Variants in SLBP observed in about 807,000 individuals in gnomAD.
The protein encoded by SLBP is histone RNA hairpin-binding protein.
In SLBP, 29 loss-of-function variants were observed where a neutral mutation model predicts 39.2. That is an observed-to-expected ratio of 0.74 (90% CI 0.55 to 1.01). SLBP has a LOEUF of 1.01. Among genes scored for constraint, SLBP ranks in the 50% least tolerant of loss-of-function variants. The pLI is 0.00. For synonymous variants in SLBP, 129 were observed against 118.7 expected (o/e 1.09, Z -0.57); for missense variants, 390 against 350.2 (o/e 1.11, Z -0.91).
intron 3 of SLBP, among the ~76,000 whole-genome samples, chr4:1,703,098 G>A (rs1336816362): frequency 3.3e-5 from 5 of 151,982 alleles, no homozygotes; most frequent in African/African-American, 1.2e-4. Context: ...TTAGCCAGGC[G>A]TGGTGGCCTG....
chr4:1,700,189 G>A (rs139979542), intron 3 of SLBP, 119 bp from the exon 4 acceptor site: 3 of 530,538 alleles, frequency 5.7e-6, no homozygotes, highest in African/African-American at 2.0e-5. Flanking sequence ...CAGAAGCTCC[G>A]TGGGCCAAAA....
At chr4:1,707,299 A>AAAACATATGAAAACCTT (rs1716559218) in intron 2 of SLBP, among the ~76,000 whole-genome samples, 1 of 64,476 alleles carries the variant, frequency 1.6e-5, no homozygotes, top group African/African-American at 5.8e-5. Flanking sequence ...AAAAAAAAAG[A>AAAACATATGAAAACCTT]GTTCAAGACC....
At position 1,693,520 on chromosome 4, in the gene SLBP, CA is replaced by C. The variant is rs1715993655; in HGVS notation, c.*76del. 1 of 832,144 alleles carries C rather than the reference CA, an allele frequency of 1.2e-6. No individual in the cohort carries two copies. Among genetic ancestry groups the C allele is most frequent in the Non-Finnish European group, 2.1e-6 (1 of 475,634 alleles). 51.5% of individuals were successfully genotyped at this position (832,144 alleles called of 1,614,324 possible). ...AGAGAAACCACCAGGTACAAGTGCA[CA>C]CACATGCTTGGTGCCTGGCCAGCCT... is the stretch of plus-strand genomic sequence containing the variant. On this transcript the variant is annotated 3_prime_UTR_variant, in exon 8 of 8. Coordinates refer to ENST00000489418, the MANE Select transcript of SLBP (RefSeq NM_006527.4).
intron 2 of SLBP, among the ~76,000 whole-genome samples, chr4:1,710,807 T>C (rs956476973): frequency 2.0e-5 from 3 of 149,806 alleles, no homozygotes; most frequent in Non-Finnish European, 3.0e-5. Context: ...CCCAGCACTT[T>C]GGGTGGCCAA....
At chr4:1,705,479 C>CTT (rs1001463813) in intron 2 of SLBP, among the ~76,000 whole-genome samples, 1 of 152,192 alleles carries the variant, frequency 6.6e-6, no homozygotes, top group African/African-American at 2.4e-5. Context: ...ATCACTAAGA[C>CTT]TTTAGACTAC....
chr4:1,700,692 T>C (rs372935780), intron 3 of SLBP, among the ~76,000 whole-genome samples: 2 of 151,966 alleles, frequency 1.3e-5, no homozygotes, highest in Non-Finnish European at 2.9e-5. Flanking sequence ...CCCAAGCAGC[T>C]AGGACTCCAG....
At chr4:1,696,925 G>A (rs1476556505) in intron 5 of SLBP, among the ~76,000 whole-genome samples, 5 of 151,148 alleles carry the variant, frequency 3.3e-5, no homozygotes, top group Non-Finnish European at 7.4e-5. Flanking sequence ...ACGCTGCTGG[G>A]TGTGGCAAAT....
rs1577182201 is a variant in SLBP at position 1,702,023 on chromosome 4, G to A, written c.281+1573C>T. On this transcript the variant is annotated intron_variant, in intron 3 of 7. Coordinates refer to ENST00000489418, the MANE Select transcript of SLBP (RefSeq NM_006527.4). ...GGACAATTTTCAGGCACAGACCCAT[G>A]AGATATCTGAAGAACAAATAGGGTC... Among the ~76,000 whole-genome samples the A allele has an allele frequency of 2.6e-5, 4 of 152,288 alleles. No individual in the cohort carries two copies. The East Asian group carries it at 7.7e-4, about 29-fold the overall frequency.
intron 2 of SLBP, among the ~76,000 whole-genome samples, chr4:1,710,538 C>T (rs976875797): frequency 2.0e-5 from 3 of 152,198 alleles, no homozygotes; most frequent in Non-Finnish European, 4.4e-5. Flanking sequence ...TGGTCTGTGC[C>T]TTTCTCCAGA....
intron 2 of SLBP, among the ~76,000 whole-genome samples, chr4:1,704,785 C>T (rs1716456799): frequency 6.6e-6 from 1 of 152,196 alleles, no homozygotes; most frequent in African/African-American, 2.4e-5. Context: ...TCTGGCATTC[C>T]TCCAGGTTAT....
At chr4:1,697,691 A>C (rs1288935638) in intron 5 of SLBP, among the ~76,000 whole-genome samples, 1 of 151,602 alleles carries the variant, frequency 6.6e-6, no homozygotes, top group Non-Finnish European at 1.5e-5. Flanking sequence ...AAATACAAAA[A>C]AATTAGCCCA....
At chr4:1,698,357 CATGAT>C (rs1716198366) in intron 5 of SLBP, among the ~76,000 whole-genome samples, 1 of 143,734 alleles carries the variant, frequency 7.0e-6, no homozygotes, top group South Asian at 2.2e-4. Context: ...CACAGTGAGA[CATGAT>C]ATAACACTGC....
intron 2 of SLBP, among the ~76,000 whole-genome samples, chr4:1,711,177 C>G (rs532369246): frequency 1.1e-4 from 17 of 151,772 alleles, no homozygotes; most frequent in Non-Finnish European, 1.8e-4. Flanking sequence ...TTTCACGCCT[C>G]CCATCCCCAA....
intron 7 of SLBP, among the ~76,000 whole-genome samples, chr4:1,694,376 C>T (rs35313041): frequency 0.44 from 66,615 of 151,250 alleles, 16,092 homozygotes; most frequent in East Asian, 0.69. Flanking sequence ...AGCCACCACG[C>T]GCAGCACATG....
chr4:1,707,854 G>C (rs548619141), intron 2 of SLBP, among the ~76,000 whole-genome samples: 1 of 152,146 alleles, frequency 6.6e-6, no homozygotes, highest in Non-Finnish European at 1.5e-5. Flanking sequence ...GCTAAAGCAG[G>C]CTGATCACTA....
At chr4:1,696,708 G>A (rs1194534613) in intron 5 of SLBP, among the ~76,000 whole-genome samples, 1 of 152,096 alleles carries the variant, frequency 6.6e-6, no homozygotes, top group African/African-American at 2.4e-5. Flanking sequence ...GACCAGCTTG[G>A]CCAACATGGT....
At chr4:1,708,154 A>T (rs1304890217) in intron 2 of SLBP, among the ~76,000 whole-genome samples, 1 of 151,782 alleles carries the variant, frequency 6.6e-6, no homozygotes, top group African/African-American at 2.4e-5. Flanking sequence ...TTGGAGGCTG[A>T]AGCAGGAGAA....
At chr4:1,708,014 G>C (rs1314292069) in intron 2 of SLBP, among the ~76,000 whole-genome samples, 2 of 151,718 alleles carry the variant, frequency 1.3e-5, no homozygotes, top group Non-Finnish European at 2.9e-5. Context: ...GGGAGGCAGA[G>C]GTTGCAGTGA....
At chr4:1,700,226 T>C (rs1256665178) in intron 3 of SLBP, 156 bp from the exon 4 acceptor site, 2 of 437,948 alleles carry the variant, frequency 4.6e-6, no homozygotes, top group Non-Finnish European at 8.0e-6. Flanking sequence ...TCAGTTTAAG[T>C]AGTGAGATCC....
Sources: allele counts gnomAD v4.1 joint callset (sites outside exome capture counted in the v4.1 genomes callset), GRCh38; gene constraint gnomAD v4.1.1; transcripts MANE v1.5; gene names NCBI Gene and HGNC (gene_info 2026-07-23, HGNC 2026-07-21).